The following ARHGAP23 variants were observed in gnomAD, a reference collection of about 807,000 sequenced individuals.
ARHGAP23 encodes the protein Rho GTPase activating protein 23, also known as rho GTPase-activating protein 23.
Under a neutral mutation model 136.3 loss-of-function variants are expected in ARHGAP23, and 34 were observed. That is an observed-to-expected ratio of 0.25 (90% CI 0.19 to 0.33). ARHGAP23 has a LOEUF of 0.33. Ranked by LOEUF, ARHGAP23 falls within the 10% of genes least tolerant of loss-of-function variation. The probability of loss-of-function intolerance (pLI) is 1.00; values close to 1 mark genes in which losing one functional copy is unlikely to be tolerated. For missense variants in ARHGAP23, 1,808 were observed against 2,139.0 expected (o/e 0.85, Z 3.05); for synonymous variants, 832 against 920.5 (o/e 0.90, Z 1.74).
intron 15 of ARHGAP23, 45 bp downstream of exon 15, chr17:38,482,188 C>A: frequency 6.5e-7 from 1 of 1,537,966 alleles, no homozygotes; most frequent in Non-Finnish European, 8.7e-7. Flanking sequence ...AGGGGGAGAC[C>A]GAGGCACAGA....
chr17:38,468,009 C>T (rs540244167), intron 7 of ARHGAP23, among the ~76,000 whole-genome samples: 45 of 152,242 alleles, frequency 3.0e-4, no homozygotes, highest in African/African-American at 9.4e-4. Context: ...ATGGGCGTGT[C>T]GTGGGACAGG....
intron 1 of ARHGAP23, among the ~76,000 whole-genome samples, chr17:38,441,547 G>A (rs1359434654): frequency 6.6e-6 from 1 of 152,210 alleles, no homozygotes; most frequent in Non-Finnish European, 1.5e-5. Context: ...CCCCAGAGAG[G>A]GCGGGGACTG....
At chr17:38,450,414 C>CTTAT (rs1233910110) in intron 1 of ARHGAP23, 1 of 151,884 alleles carries the variant, frequency 6.6e-6, no homozygotes, top group Non-Finnish European at 1.5e-5. Context: ...AAATTTTATT[C>CTTAT]TTATTTATTT....
intron 20 of ARHGAP23, chr17:38,491,885 G>A: frequency 3.3e-6 from 1 of 301,376 alleles, no homozygotes; most frequent in South Asian, 6.1e-5. Context: ...CCCTGGAGAG[G>A]TGTCCTGGCA....
At position 38,482,050 on chromosome 17, in the gene ARHGAP23, C is replaced by G; in HGVS notation, c.2658C>G (p.Pro886=). 6.5e-7 allele frequency: 1 copy of G among 1,549,438 alleles called. No homozygotes were observed. Among genetic ancestry groups the G allele is most frequent in the Admixed American group, 2.0e-5 (1 of 50,678 alleles). Reference sequence around the variant, plus strand: ...ACAGTGCTGCAGCCCCCAAAACCCCCTGGGGCATCAACATCATCAAGAAAA... The same window carrying G: ...ACAGTGCTGCAGCCCCCAAAACCCCGTGGGGCATCAACATCATCAAGAAAA... ...KDDSAAAPKT[P]WGINIIKKNK... is the part of the protein sequence containing the mutation. The change falls in exon 15 of 24, where the codon CCC becomes CCG. Residue 886 remains proline (P), a synonymous_variant. Coordinates refer to ENST00000622683, the MANE Select transcript of ARHGAP23 (RefSeq NM_001199417.2).
chr17:38,470,248 C>G (rs2039718753), intron 10 of ARHGAP23, among the ~76,000 whole-genome samples: 2 of 152,166 alleles, frequency 1.3e-5, no homozygotes, highest in South Asian at 4.1e-4. Flanking sequence ...TCACGCCTCC[C>G]TTCGCTACTC....
chr17:38,505,538 A>G (rs1450205496), intron 23 of ARHGAP23, among the ~76,000 whole-genome samples: 1 of 152,102 alleles, frequency 6.6e-6, no homozygotes, highest in Non-Finnish European at 1.5e-5. Context: ...AAACCTCCCC[A>G]TGACCCTGAC....
intron 1 of ARHGAP23, among the ~76,000 whole-genome samples, chr17:38,436,745 G>C (rs965632843): frequency 6.6e-6 from 1 of 152,188 alleles, no homozygotes; most frequent in Non-Finnish European, 1.5e-5. Context: ...CCCCTCAGGG[G>C]CCCCCTGCCA....
intron 1 of ARHGAP23, chr17:38,457,738 A>G: frequency 2.9e-6 from 1 of 347,026 alleles, no homozygotes; most frequent in Non-Finnish European, 5.3e-6. Context: ...AGACAACGAC[A>G]GGCACTTCCT....
chr17:38,422,764 A>C (rs1173638179), intron 1 of ARHGAP23, among the ~76,000 whole-genome samples: 1 of 152,060 alleles, frequency 6.6e-6, no homozygotes, highest in Non-Finnish European at 1.5e-5. Flanking sequence ...CTCCCTCCCC[A>C]AGGGGTGTTC....
At chr17:38,509,834 TG>T in intron 23 of ARHGAP23, 109 bp from the exon 24 acceptor site, 2 of 876,586 alleles carry the variant, frequency 2.3e-6, no homozygotes, top group Non-Finnish European at 3.0e-6. Flanking sequence ...TGGCCTTGGC[TG>T]GGGCTTGTGG....
chr17:38,466,223 C>A lies in ARHGAP23; in HGVS notation c.540C>A (p.Arg180=). The part of the protein sequence containing the change: ...KGNEPYSGEA[R]SIPEPPPICY... ...ACGAGCCGTATTCTGGAGAGGCCCG[C>A]AGCATCCCAGAGCCACCCCCGATCT... Residue 180 remains arginine, a synonymous_variant, in exon 7 of 24, where the codon CGC becomes CGA. Transcript: ENST00000622683. 2.6e-6 allele frequency: 4 copies of A among 1,543,498 alleles called. No homozygotes were observed. The highest frequency in any genetic ancestry group is 1.2e-5 in the South Asian group (1 of 83,464).
intron 1 of ARHGAP23, among the ~76,000 whole-genome samples, chr17:38,441,221 C>A (rs1597750697): frequency 6.6e-6 from 1 of 152,254 alleles, no homozygotes; most frequent in East Asian, 1.9e-4. Context: ...TTCCCCAGCC[C>A]ATGCCCCATT....
In ARHGAP23 at chr17:38,510,390, G is replaced by A; in HGVS notation, c.3894G>A (p.Gly1298=). ...DTEGAAGAGP[G]GRLTRRPSFS... is the part of the protein sequence containing the mutation. ...AGGGCGCGGCGGGCGCGGGGCCTGG[G>A]GGGCGCCTGACACGCCGGCCGTCCT... is the stretch of plus-strand genomic sequence containing the variant. The change falls in exon 24 of 24, where the codon GGG becomes GGA. Residue 1298 remains glycine, a synonymous_variant. Transcript: ENST00000622683. This position sits in a 1 kb window ranked among gnomAD's most constrained non-coding sequence, Gnocchi z 4.6. 1 of 1,242,622 alleles carries A rather than the reference G, an allele frequency of 8.0e-7. No homozygotes were observed. Among genetic ancestry groups the A allele is most frequent in the African/African-American group, 1.6e-5 (1 of 64,200 alleles). The allele number at this position is 1,242,622 out of a possible 1,614,324, so 77.0% of individuals were successfully genotyped here.
chr17:38,493,175 TTC>T (rs1001610282), intron 20 of ARHGAP23, among the ~76,000 whole-genome samples: 3 of 151,240 alleles, frequency 2.0e-5, no homozygotes, highest in East Asian at 3.9e-4. Flanking sequence ...TTCTTTCTCT[TTC>T]TCTCTCTCTC....
At chr17:38,442,915 C>T (rs572012905) in intron 1 of ARHGAP23, among the ~76,000 whole-genome samples, 47 of 152,258 alleles carry the variant, frequency 3.1e-4, no homozygotes, top group Middle Eastern at 3.4e-3. Flanking sequence ...ATGAAGTGAG[C>T]AGACTCCAGA....
chr17:38,505,883 G>A (rs915639329), intron 23 of ARHGAP23, among the ~76,000 whole-genome samples: 9 of 152,300 alleles, frequency 5.9e-5, no homozygotes, highest in African/African-American at 2.2e-4. Flanking sequence ...AGCCAAGATT[G>A]CACCATTGCA....
In ARHGAP23 at chr17:38,458,009, G is replaced by A. The variant is rs972448826; in HGVS notation, c.64-93G>A. 4 of 1,449,452 alleles carry A rather than the reference G, an allele frequency of 2.8e-6. No individual in the cohort carries two copies. In the East Asian group the frequency reaches 1.0e-4, roughly 36 times the overall value. The allele number at this position is 1,449,452 out of a possible 1,614,324, so 89.8% of individuals were successfully genotyped here. On this transcript the variant is annotated intron_variant, in intron 1 of 23. Transcript: ENST00000622683. ...CCTAGGGCGAAAGACCCCTTCTGGT[G>A]CCCCTCCGGTCCTGTGGGCTGCAGG...
At chr17:38,434,561 G>A (rs2038753143) in intron 1 of ARHGAP23, among the ~76,000 whole-genome samples, 1 of 152,250 alleles carries the variant, frequency 6.6e-6, no homozygotes, top group Non-Finnish European at 1.5e-5. Context: ...GCCTCTTGGG[G>A]TGTGGAGGTT....
Sources: allele counts gnomAD v4.1 joint callset (sites outside exome capture counted in the v4.1 genomes callset), GRCh38; gene constraint gnomAD v4.1.1; non-coding constraint Gnocchi (gnomAD v3.1); transcripts MANE v1.5; gene names NCBI Gene and HGNC (gene_info 2026-07-23, HGNC 2026-07-21).